Variants in MYO5B observed in about 807,000 individuals in gnomAD.
MYO5B encodes the protein unconventional myosin-Vb.
A neutral mutation model predicts 229.3 loss-of-function variants in MYO5B; 143 were observed. The ratio of observed to expected loss-of-function variants is 0.62; its 90% CI spans 0.54 to 0.72. MYO5B has a LOEUF of 0.72. Among genes scored for constraint, MYO5B ranks in the 30% least tolerant of loss-of-function variants. MYO5B has a pLI of 0.00. For missense variants in MYO5B, 2,321 were observed against 2,331.0 expected (o/e 1.00, Z 0.09); for synonymous variants, 918 against 885.2 (o/e 1.04, Z -0.66).
chr18:50,101,819 A>T (rs2031660312), intron 1 of MYO5B, among the ~76,000 whole-genome samples: 1 of 152,232 alleles, frequency 6.6e-6, no homozygotes, highest in Non-Finnish European at 1.5e-5. Context: ...TGTGGAAGAA[A>T]GTGTGGCAAT....
At chr18:49,965,999 C>G (rs2025621022) in intron 10 of MYO5B, among the ~76,000 whole-genome samples, 1 of 152,156 alleles carries the variant, frequency 6.6e-6, no homozygotes, top group African/African-American at 2.4e-5. Flanking sequence ...GTCATGCAAG[C>G]CCTTCCAAAT....
chr18:50,085,882 A>G (rs1186194141), intron 1 of MYO5B, among the ~76,000 whole-genome samples: 1 of 151,054 alleles, frequency 6.6e-6, no homozygotes, highest in African/African-American at 2.4e-5. Flanking sequence ...ACATGGACAC[A>G]GGAAGGGGAA....
intron 18 of MYO5B, among the ~76,000 whole-genome samples, chr18:49,911,429 C>T (rs1477943602): frequency 6.6e-6 from 1 of 152,142 alleles, no homozygotes; most frequent in East Asian, 1.9e-4. Context: ...GGCCTGATCC[C>T]TTTACCTCTA....
At chr18:50,123,437 T>G (rs2032104318) in intron 1 of MYO5B, among the ~76,000 whole-genome samples, 3 of 152,152 alleles carry the variant, frequency 2.0e-5, no homozygotes, top group African/African-American at 7.2e-5. Context: ...TCACTTCAAT[T>G]TTTAAAAATT....
In MYO5B at chr18:50,041,958, T is replaced by A. The variant is rs1041835023; in HGVS notation, c.139-1644A>T. ...CCCCAACAGAAAATCATACCTAGAA[T>A]ACAAATCACAAAATAGCACATGAAC... On this transcript the variant is annotated intron_variant, in intron 2 of 39. Coordinates refer to ENST00000285039, the MANE Select transcript of MYO5B (RefSeq NM_001080467.3). 3.9e-5 allele frequency among the ~76,000 whole-genome samples: 6 copies of A among 152,250 alleles called. No homozygotes were observed. The South Asian group carries it at 1.2e-3, about 32-fold the overall frequency.
At chr18:50,000,972 G>C (rs2026040154) in intron 5 of MYO5B, among the ~76,000 whole-genome samples, 2 of 152,196 alleles carry the variant, frequency 1.3e-5, no homozygotes, top group Admixed American at 1.3e-4. Context: ...GACAGCAACA[G>C]AGGTGGAGGA....
intron 1 of MYO5B, among the ~76,000 whole-genome samples, chr18:50,066,028 C>A (rs758054249): frequency 2.0e-5 from 3 of 151,942 alleles, no homozygotes; most frequent in Non-Finnish European, 4.4e-5. Context: ...GAAGCCAGAT[C>A]CAGTAGGTTC....
chr18:49,913,267 G>A (rs1269838537), intron 17 of MYO5B, among the ~76,000 whole-genome samples: 1 of 152,178 alleles, frequency 6.6e-6, no homozygotes, highest in Non-Finnish European at 1.5e-5. Context: ...TCTTTCCAAT[G>A]AGCAAATCTG....
chr18:49,834,161 C>A (rs2023958253), intron 39 of MYO5B, among the ~76,000 whole-genome samples: 1 of 152,138 alleles, frequency 6.6e-6, no homozygotes, highest in Admixed American at 6.5e-5. Flanking sequence ...CTGTAAGGAG[C>A]TCCAAATAAA....
At chr18:49,997,266 TTAAAAAAAAAAA>T (rs1276102685) in intron 5 of MYO5B, among the ~76,000 whole-genome samples, 13 of 66,782 alleles carry the variant, frequency 1.9e-4, no homozygotes, top group Admixed American at 1.1e-3. Flanking sequence ...GGTCCTGTCT[TTAAAAAAAAAAA>T]AAAAAAAAAA....
chr18:50,034,469 C>G (rs1328485602), intron 4 of MYO5B, among the ~76,000 whole-genome samples: 1 of 152,202 alleles, frequency 6.6e-6, no homozygotes, highest in South Asian at 2.1e-4. Flanking sequence ...CTCAGTCGTG[C>G]GTGGTGGCTC....
Position 49,836,874 on chromosome 18 carries a change from C to T in MYO5B, c.5150G>A (p.Ser1717Asn). 2 of 1,614,004 alleles carry T rather than the reference C, an allele frequency of 1.2e-6. No homozygotes were observed. The highest frequency in any genetic ancestry group is 1.7e-6 in the Non-Finnish European group (2 of 1,179,900). Residue 1717 changes from serine to asparagine, a missense_variant, in exon 38 of 40, where the codon AGT becomes AAT. By Grantham distance (46) the Ser-to-Asn change is conservative. Transcript: ENST00000285039. ...TCCCCGAAGCCACTCCTCAAGCTGACTTATATTGTACCTTAGCCATAGGTA... is the reference window on the plus strand; with the variant it reads ...TCCCCGAAGCCACTCCTCAAGCTGATTTATATTGTACCTTAGCCATAGGTA... ...STGMQLRYNI[S>N]QLEEWLRGRN...
chr18:49,829,083 A>ATTTT (rs71169455), intron 39 of MYO5B, among the ~76,000 whole-genome samples: 9,918 of 141,224 alleles, frequency 0.07, 758 homozygotes, highest in East Asian at 0.27. Context: ...AAAATTGACA[A>ATTTT]TTTTTTTTTT....
intron 22 of MYO5B, among the ~76,000 whole-genome samples, chr18:49,892,848 A>G (rs1349147750): frequency 1.3e-5 from 2 of 152,108 alleles, no homozygotes; most frequent in Non-Finnish European, 1.5e-5. Flanking sequence ...TCTAAGTTGG[A>G]ATTTGCTTAC....
intron 1 of MYO5B, among the ~76,000 whole-genome samples, chr18:50,073,948 C>A (rs972295541): frequency 6.6e-6 from 1 of 152,172 alleles, no homozygotes; most frequent in Non-Finnish European, 1.5e-5. Flanking sequence ...ACCCTGCCAA[C>A]CCCCTCCTCT....
At chr18:49,978,242 C>G (rs1203447028) in intron 9 of MYO5B, among the ~76,000 whole-genome samples, 1 of 152,180 alleles carries the variant, frequency 6.6e-6, no homozygotes, top group Non-Finnish European at 1.5e-5. Context: ...CATACTATCT[C>G]CACACAAACA....
chr18:50,116,906 C>G (rs554341492), intron 1 of MYO5B, among the ~76,000 whole-genome samples: 23 of 151,844 alleles, frequency 1.5e-4, no homozygotes, highest in Non-Finnish European at 2.9e-4. Flanking sequence ...GAATCAGCAT[C>G]TGTGATGTCA....
intron 14 of MYO5B, among the ~76,000 whole-genome samples, chr18:49,952,682 C>T (rs1273739098): frequency 6.6e-6 from 1 of 152,120 alleles, no homozygotes; most frequent in Non-Finnish European, 1.5e-5. Context: ...ATATTTGCTA[C>T]CTTTTTCCTA....
chr18:50,011,173 T>A (rs1417501264), intron 4 of MYO5B, among the ~76,000 whole-genome samples: 1 of 152,146 alleles, frequency 6.6e-6, no homozygotes, highest in Non-Finnish European at 1.5e-5. Context: ...AAACCCTGAC[T>A]CTACTAAAAA....
Sources: allele counts gnomAD v4.1 joint callset (sites outside exome capture counted in the v4.1 genomes callset), GRCh38; gene constraint gnomAD v4.1.1; transcripts MANE v1.5; gene names NCBI Gene and HGNC (gene_info 2026-07-23, HGNC 2026-07-21).